The following PDE4B variants were observed in gnomAD, a reference collection of about 807,000 sequenced individuals.
The protein encoded by PDE4B is phosphodiesterase 4B.
A neutral mutation model predicts 82.2 loss-of-function variants in PDE4B; 20 were observed. That is an observed-to-expected ratio of 0.24 (90% CI 0.17 to 0.35). PDE4B has a LOEUF of 0.35. Ranked by LOEUF, PDE4B falls within the 10% of genes least tolerant of loss-of-function variation. PDE4B has a pLI of 1.00. For synonymous variants in PDE4B, 320 were observed against 318.9 expected, an observed-to-expected ratio of 1.00 and a Z score of -0.04; for missense variants, 655 against 907.2, an observed-to-expected ratio of 0.72 and a Z score of 3.57.
intron 3 of PDE4B, among the ~76,000 whole-genome samples, chr1:66,076,018 CTTTCTTTTTTT>C (rs1656417803): frequency 1.3e-5 from 2 of 151,796 alleles, no homozygotes; most frequent in African/African-American, 4.8e-5. Context: ...CTTTTTCTTT[CTTTCTTTTTTT>C]TTTCTTCTAA....
intron 2 of PDE4B, among the ~76,000 whole-genome samples, chr1:65,914,970 A>G (rs891593467): frequency 5.9e-5 from 9 of 152,220 alleles, no homozygotes; most frequent in South Asian, 4.1e-4. Flanking sequence ...TTGGATTTTG[A>G]ATATACAGTG....
At chr1:65,838,277 C>CA in intron 1 of PDE4B, among the ~76,000 whole-genome samples, 1 of 151,714 alleles carries the variant, frequency 6.6e-6, no homozygotes, top group East Asian at 1.9e-4. Context: ...TCTAGATCAT[C>CA]AAAAAAATGA....
intron 1 of PDE4B, among the ~76,000 whole-genome samples, chr1:65,806,031 A>C (rs1487266099): frequency 6.6e-6 from 1 of 152,056 alleles, no homozygotes; most frequent in Non-Finnish European, 1.5e-5. Flanking sequence ...TTCTTCTATT[A>C]TCAATTTTAT....
intron 1 of PDE4B, among the ~76,000 whole-genome samples, chr1:65,881,376 G>A (rs963732789): frequency 2.6e-5 from 4 of 152,138 alleles, no homozygotes; most frequent in Non-Finnish European, 2.9e-5. Context: ...GGGCAGCCAT[G>A]GGGTTCATTG....
At chr1:65,880,390 G>A (rs529101266) in intron 1 of PDE4B, among the ~76,000 whole-genome samples, 1 of 152,308 alleles carries the variant, frequency 6.6e-6, no homozygotes, top group East Asian at 1.9e-4. Flanking sequence ...GCTGTTCTCT[G>A]TGCTGTAGGA....
intron 3 of PDE4B, among the ~76,000 whole-genome samples, chr1:65,978,424 G>A (rs1464997228): frequency 7.2e-6 from 1 of 139,008 alleles, no homozygotes; most frequent in African/African-American, 2.5e-5. Flanking sequence ...ATAAGGCACT[G>A]AGAAACAGAA....
At chr1:66,154,026 T>C (rs1209806810) in intron 3 of PDE4B, among the ~76,000 whole-genome samples, 1 of 152,214 alleles carries the variant, frequency 6.6e-6, no homozygotes, top group East Asian at 1.9e-4. Flanking sequence ...ATTAACTTTT[T>C]AAAATTCTTT....
At chr1:65,977,425 T>C (rs1338520687) in intron 3 of PDE4B, among the ~76,000 whole-genome samples, 1 of 152,226 alleles carries the variant, frequency 6.6e-6, no homozygotes, top group Non-Finnish European at 1.5e-5. Flanking sequence ...GCATCATTAC[T>C]AGATTCTTGA....
At position 65,932,244 on chromosome 1, in the gene PDE4B, G is replaced by A. The variant is rs889211746; in HGVS notation, c.281+13409G>A. The stretch of plus-strand genomic sequence containing the variant: ...CACAAGCTCAGTGTAGGGTGAACAG[G>A]TGAAAAACCACAGATCCCAGCTTCT... On this transcript the variant is annotated intron_variant, in intron 3 of 16. Transcript: ENST00000341517. Among the ~76,000 whole-genome samples the A allele has an allele frequency of 2.0e-5, 3 of 151,684 alleles. No individual in the cohort carries two copies. The Admixed American group carries it at 2.0e-4, about 10-fold the overall frequency.
chr1:65,880,503 G>T (rs912932730), intron 1 of PDE4B, among the ~76,000 whole-genome samples: 6 of 152,156 alleles, frequency 3.9e-5, no homozygotes, highest in Admixed American at 2.6e-4. Context: ...GTATTAGGAG[G>T]TTGGCCTTTG....
chr1:65,853,440 C>G (rs1465668905), intron 1 of PDE4B, among the ~76,000 whole-genome samples: 2 of 151,552 alleles, frequency 1.3e-5, no homozygotes, highest in African/African-American at 4.8e-5. Flanking sequence ...TGTCTTTCCT[C>G]TTTTATTCTT....
At chr1:65,887,883 T>C (rs1021819912) in intron 1 of PDE4B, among the ~76,000 whole-genome samples, 1 of 152,196 alleles carries the variant, frequency 6.6e-6, no homozygotes, top group African/African-American at 2.4e-5. Flanking sequence ...AAATAGATTA[T>C]TCCAGTCAAC....
chr1:65,922,282 A>G (rs933963595), intron 3 of PDE4B, among the ~76,000 whole-genome samples: 3 of 152,232 alleles, frequency 2.0e-5, no homozygotes, highest in African/African-American at 7.2e-5. Flanking sequence ...CTATGCATGT[A>G]GCACAATCAC....
chr1:66,218,695 A>T (rs1458338484), intron 3 of PDE4B, among the ~76,000 whole-genome samples: 1 of 152,128 alleles, frequency 6.6e-6, no homozygotes, highest in East Asian at 1.9e-4. Flanking sequence ...CTTGGAAGAA[A>T]TCTGCTGTTA....
chr1:66,064,096 G>A (rs1213290738), intron 3 of PDE4B, among the ~76,000 whole-genome samples: 1 of 151,940 alleles, frequency 6.6e-6, no homozygotes, highest in Non-Finnish European at 1.5e-5. Flanking sequence ...ATGATTAAAC[G>A]GAAGTAGATT....
intron 3 of PDE4B, among the ~76,000 whole-genome samples, chr1:65,973,858 G>A (rs1215196515): frequency 6.6e-6 from 1 of 151,746 alleles, no homozygotes; most frequent in Non-Finnish European, 1.5e-5. Flanking sequence ...TGTCACCCAA[G>A]CTGGAAAGCA....
chr1:66,337,513 G>T (rs944691910), intron 8 of PDE4B, among the ~76,000 whole-genome samples: 1 of 152,146 alleles, frequency 6.6e-6, no homozygotes, highest in Non-Finnish European at 1.5e-5. Context: ...GAGGAACTTG[G>T]GTAAGCAGGC....
intron 3 of PDE4B, among the ~76,000 whole-genome samples, chr1:66,115,758 T>A (rs1645582332): frequency 6.6e-6 from 1 of 152,218 alleles, no homozygotes; most frequent in African/African-American, 2.4e-5. Flanking sequence ...TATATTTTGC[T>A]GAAGATGTGA....
At chr1:66,279,191 G>C (rs1001586892) in intron 7 of PDE4B, among the ~76,000 whole-genome samples, 15 of 152,120 alleles carry the variant, frequency 9.9e-5, no homozygotes, top group African/African-American at 3.6e-4. Context: ...TCCTGTACAT[G>C]TCCTATGTTG....
Sources: allele counts gnomAD v4.1 joint callset (sites outside exome capture counted in the v4.1 genomes callset), GRCh38; gene constraint gnomAD v4.1.1; transcripts MANE v1.5; gene names NCBI Gene and HGNC (gene_info 2026-07-23, HGNC 2026-07-21).